Variants in CEP83 observed in about 807,000 individuals in gnomAD.
The protein encoded by CEP83 is centrosomal protein of 83 kDa.
CEP83 carries 70 observed loss-of-function variants against 101.9 expected under a neutral mutation model. The ratio of observed to expected loss-of-function variants is 0.69; its 90% CI spans 0.57 to 0.84. The LOEUF (loss-of-function observed/expected upper bound fraction) is 0.84. CEP83 is among the 40% of genes least tolerant of loss of function. CEP83 has a pLI of 0.00. For synonymous variants in CEP83, 264 were observed against 267.9 expected (o/e 0.99, Z 0.14); for missense variants, 715 against 787.2 (o/e 0.91, Z 1.10).
At chr12:94,385,217 C>G (rs1379833015) in intron 6 of CEP83, among the ~76,000 whole-genome samples, 1 of 152,156 alleles carries the variant, frequency 6.6e-6, no homozygotes, top group African/African-American at 2.4e-5. Flanking sequence ...TGACACCTCC[C>G]TGGATGGGAA....
the CEP83 span, among the ~76,000 whole-genome samples, chr12:94,284,459 G>A: frequency 4.6e-5 from 7 of 152,244 alleles, no homozygotes; most frequent in African/African-American, 1.2e-4. Context: ...CTGCTTCACC[G>A]TCTTATAACA....
chr12:94,451,950 G>A (rs1477391951), intron 1 of CEP83, among the ~76,000 whole-genome samples: 1 of 152,078 alleles, frequency 6.6e-6, no homozygotes, highest in East Asian at 1.9e-4. Flanking sequence ...ACCAGTAAAT[G>A]GGAAATACTA....
At chr12:94,450,383 C>T (rs1241520140) in intron 1 of CEP83, among the ~76,000 whole-genome samples, 1 of 152,164 alleles carries the variant, frequency 6.6e-6, no homozygotes, top group Non-Finnish European at 1.5e-5. Flanking sequence ...TCCCGAGTAG[C>T]TGGGACTACA....
intron 8 of CEP83, among the ~76,000 whole-genome samples, chr12:94,371,390 G>A (rs978085762): frequency 6.6e-6 from 1 of 152,168 alleles, no homozygotes; most frequent in Non-Finnish European, 1.5e-5. Flanking sequence ...ATGTGCACAA[G>A]TATTAGGTAG....
At chr12:94,418,806 T>C (rs1308579247) in intron 2 of CEP83, among the ~76,000 whole-genome samples, 2 of 152,222 alleles carry the variant, frequency 1.3e-5, no homozygotes, top group African/African-American at 4.8e-5. Context: ...GTTAATGTTA[T>C]GCTATATTAA....
At chr12:94,379,140 T>G (rs2061703378) in intron 6 of CEP83, 98 bp from the exon 7 acceptor site, 1 of 1,079,324 alleles carries the variant, frequency 9.3e-7, no homozygotes, top group Non-Finnish European at 1.3e-6. Flanking sequence ...ATGCACAAAA[T>G]CAAAGCTCAG....
At chr12:94,348,888 T>G (rs191465699) in intron 11 of CEP83, among the ~76,000 whole-genome samples, 3 of 152,198 alleles carry the variant, frequency 2.0e-5, no homozygotes, top group Non-Finnish European at 4.4e-5. Context: ...TCTGCCATAG[T>G]CACCTGACCT....
chr12:94,311,700 GAAGCTA>G (rs1254466701), intron 15 of CEP83, among the ~76,000 whole-genome samples: 1 of 152,202 alleles, frequency 6.6e-6, no homozygotes, highest in Admixed American at 6.5e-5. Flanking sequence ...TCACAAAGGT[GAAGCTA>G]CACAACTTTA....
intron 1 of CEP83, among the ~76,000 whole-genome samples, chr12:94,453,680 C>A (rs906517385): frequency 2.6e-5 from 4 of 152,090 alleles, no homozygotes; most frequent in African/African-American, 9.7e-5. Context: ...AAATTGGAAG[C>A]ATACCATTTC....
chr12:94,327,592 GT>G (rs572310262), intron 14 of CEP83, among the ~76,000 whole-genome samples: 1 of 152,168 alleles, frequency 6.6e-6, no homozygotes. Flanking sequence ...TCTGACATGT[GT>G]TTTTTATCTT....
the CEP83 span, chr12:94,279,958 A>G: frequency 4.3e-6 from 2 of 470,550 alleles, no homozygotes; most frequent in East Asian, 4.5e-5. Flanking sequence ...ACCTTGCATC[A>G]TGAAATACAG....
At chr12:94,301,045 G>A in the CEP83 span, 3 of 1,613,702 alleles carry the variant, frequency 1.9e-6, no homozygotes, top group Non-Finnish European at 2.5e-6. Context: ...TCACAGAGCA[G>A]CAACTAGGGA....
At chr12:94,350,985 C>G (rs545561519) in intron 11 of CEP83, among the ~76,000 whole-genome samples, 17 of 151,924 alleles carry the variant, frequency 1.1e-4, no homozygotes, top group African/African-American at 3.4e-4. Flanking sequence ...ACTAGAGGAC[C>G]AACACTCTTC....
At chr12:94,349,324 C>T (rs1438607124) in intron 11 of CEP83, among the ~76,000 whole-genome samples, 1 of 151,446 alleles carries the variant, frequency 6.6e-6, no homozygotes, top group Non-Finnish European at 1.5e-5. Flanking sequence ...TGTAGAATCC[C>T]GAAGCATGGA....
intron 14 of CEP83, among the ~76,000 whole-genome samples, chr12:94,317,255 T>C (rs1970857243): frequency 6.6e-6 from 1 of 152,198 alleles, no homozygotes; most frequent in Admixed American, 6.5e-5. Context: ...TGCCCACTTT[T>C]GATGGGGTTG....
At chr12:94,345,248 G>GA (rs956701634) in intron 11 of CEP83, among the ~76,000 whole-genome samples, 3 of 152,034 alleles carry the variant, frequency 2.0e-5, no homozygotes, top group African/African-American at 7.2e-5. Context: ...ATACAAACAA[G>GA]AAAAAAATTG....
Position 94,446,452 on chromosome 12 carries a change from G to T in CEP83, c.-154-11125C>A, listed in dbSNP as rs140846032. 4.5e-3 allele frequency among the ~76,000 whole-genome samples: 689 copies of T among 152,304 alleles called. 1 individual carries two copies. Among genetic ancestry groups the T allele is most frequent in the Non-Finnish European group, 7.3e-3 (497 of 68,020 alleles). On this transcript the variant is annotated intron_variant, in intron 1 of 16. Coordinates refer to ENST00000397809, the MANE Select transcript of CEP83 (RefSeq NM_016122.3). ...CGGCCGGGCGTGGTGGCTCATGCCTGTAATCCCAGCACTTTGGGAGGGCAA... is the reference window on the plus strand; with the variant it reads ...CGGCCGGGCGTGGTGGCTCATGCCTTTAATCCCAGCACTTTGGGAGGGCAA...
chr12:94,280,463 G>A, the CEP83 span, among the ~76,000 whole-genome samples: 1 of 152,180 alleles, frequency 6.6e-6, no homozygotes, highest in Non-Finnish European at 1.5e-5. Context: ...TCCCAGTCCA[G>A]CCCCCTGCTA....
chr12:94,279,816 GTC>G, the CEP83 span: 1 of 719,136 alleles, frequency 1.4e-6, no homozygotes, highest in South Asian at 1.5e-5. Flanking sequence ...GACTGCTTTG[GTC>G]TCTCATGGGC....
Sources: gnomAD v4.1 joint callset for allele counts (sites outside exome capture counted in the v4.1 genomes callset) on GRCh38, gnomAD v4.1.1 for gene constraint, MANE v1.5 for transcripts, NCBI Gene and HGNC (gene_info 2026-07-23, HGNC 2026-07-21) for gene names.